The following DCC variants were observed in gnomAD, a reference collection of about 807,000 sequenced individuals.
DCC encodes the protein netrin receptor DCC.
Under a neutral mutation model 172.5 loss-of-function variants are expected in DCC, and 58 were observed. The observed-to-expected ratio is 0.34, with a 90% CI of 0.27 to 0.42. The LOEUF (loss-of-function observed/expected upper bound fraction) is 0.42. Among genes scored for constraint, DCC ranks in the 10% least tolerant of loss-of-function variants. DCC has a pLI of 1.00. For missense variants in DCC, 1,740 were observed against 1,791.0 expected, an observed-to-expected ratio of 0.97 and a Z score of 0.51; for synonymous variants, 709 against 644.5, an observed-to-expected ratio of 1.10 and a Z score of -1.52.
At chr18:52,890,047 A>G (rs745829699) in intron 2 of DCC, among the ~76,000 whole-genome samples, 1 of 152,188 alleles carries the variant, frequency 6.6e-6, no homozygotes, top group Admixed American at 6.5e-5. Context: ...TGGTATCTGT[A>G]CCAATAAATA....
At chr18:53,208,156 T>C (rs898349878) in intron 11 of DCC, among the ~76,000 whole-genome samples, 1 of 150,668 alleles carries the variant, frequency 6.6e-6, no homozygotes, top group Admixed American at 6.7e-5. Flanking sequence ...GCACCTGCGA[T>C]CCCAGCTACT....
At chr18:53,122,850 C>A (rs1026052329) in intron 7 of DCC, among the ~76,000 whole-genome samples, 3 of 152,038 alleles carry the variant, frequency 2.0e-5, no homozygotes, top group Admixed American at 1.3e-4. Context: ...CTCTTTCTGA[C>A]CTTTAGCCTT....
intron 1 of DCC, among the ~76,000 whole-genome samples, chr18:52,643,960 T>G (rs2034960617): frequency 6.6e-6 from 1 of 150,446 alleles, no homozygotes; most frequent in African/African-American, 2.4e-5. Flanking sequence ...GTATTTTGGT[T>G]TTTTTTTTCT....
intron 5 of DCC, among the ~76,000 whole-genome samples, chr18:53,033,018 A>C (rs926389506): frequency 1.3e-5 from 2 of 152,170 alleles, no homozygotes; most frequent in Non-Finnish European, 2.9e-5. Flanking sequence ...TATGCTTTAC[A>C]TTCAGGTTAA....
At chr18:53,080,695 G>A (rs955119067) in intron 7 of DCC, among the ~76,000 whole-genome samples, 1 of 152,108 alleles carries the variant, frequency 6.6e-6, no homozygotes, top group Non-Finnish European at 1.5e-5. Context: ...AAACTGAGTG[G>A]CAACTCTGCT....
chr18:53,531,075 A>T lies in DCC; in HGVS notation c.*422A>T. On this transcript the variant is annotated 3_prime_UTR_variant, in exon 29 of 29. Transcript: ENST00000442544. ...GTACCATGCCATGGCAAACCAGTGC[A>T]AGCTCACTATTTTGTTTTCAACTTA... is the stretch of plus-strand genomic sequence containing the variant. 4.2e-6 allele frequency: 1 copy of T among 235,546 alleles called. No homozygotes were observed. The highest frequency in any genetic ancestry group is 7.0e-5 in the South Asian group (1 of 14,280). The allele number at this position is 235,546 out of a possible 1,614,324, so 14.6% of individuals were successfully genotyped here.
chr18:53,204,391 TA>T (rs1162715682), intron 9 of DCC, among the ~76,000 whole-genome samples: 1 of 151,532 alleles, frequency 6.6e-6, no homozygotes, highest in Non-Finnish European at 1.5e-5. Context: ...AAAATAAAAA[TA>T]AAAAAATAAC....
At chr18:52,941,775 A>AT (rs956363930) in intron 5 of DCC, among the ~76,000 whole-genome samples, 3 of 151,878 alleles carry the variant, frequency 2.0e-5, no homozygotes, top group Non-Finnish European at 2.9e-5. Context: ...TCTGATGTTT[A>AT]TTTTTTTATT....
chr18:52,585,813 G>T (rs2033656328), intron 1 of DCC, among the ~76,000 whole-genome samples: 1 of 152,126 alleles, frequency 6.6e-6, no homozygotes, highest in Non-Finnish European at 1.5e-5. Flanking sequence ...GCCGGGCGCG[G>T]TGGCTCACGC....
At chr18:53,206,522 A>G (rs924459254) in intron 10 of DCC, among the ~76,000 whole-genome samples, 1 of 131,166 alleles carries the variant, frequency 7.6e-6, no homozygotes, top group Admixed American at 7.9e-5. Context: ...ATATACATGT[A>G]TTATATATAA....
At chr18:52,699,548 C>A (rs2036072681) in intron 1 of DCC, among the ~76,000 whole-genome samples, 1 of 152,158 alleles carries the variant, frequency 6.6e-6, no homozygotes, top group African/African-American at 2.4e-5. Flanking sequence ...ATATGTTAAT[C>A]AGAATATGAC....
intron 1 of DCC, among the ~76,000 whole-genome samples, chr18:52,348,544 A>G (rs750266288): frequency 6.6e-6 from 1 of 152,176 alleles, no homozygotes; most frequent in Non-Finnish European, 1.5e-5. Flanking sequence ...GATTGCTTAT[A>G]AGTCTGAACA....
chr18:52,795,359 G>T (rs557258737), intron 2 of DCC, among the ~76,000 whole-genome samples: 17 of 152,040 alleles, frequency 1.1e-4, no homozygotes, highest in African/African-American at 4.1e-4. Context: ...TTAGTAGGTT[G>T]TATGCGTTTA....
At chr18:52,575,506 A>T (rs944379459) in intron 1 of DCC, among the ~76,000 whole-genome samples, 2 of 152,110 alleles carry the variant, frequency 1.3e-5, no homozygotes, top group Non-Finnish European at 2.9e-5. Context: ...GTTGGACAGA[A>T]ATTTTCTTAT....
chr18:53,478,348 G>A (rs149834100), intron 25 of DCC, among the ~76,000 whole-genome samples: 119 of 152,230 alleles, frequency 7.8e-4, no homozygotes, highest in African/African-American at 2.7e-3. Flanking sequence ...ATTTCTAGAT[G>A]GTATTGCACA....
At chr18:52,353,326 C>T (rs1822445) in intron 1 of DCC, among the ~76,000 whole-genome samples, 49,382 of 151,994 alleles carry the variant, frequency 0.32, 8,599 homozygotes, top group East Asian at 0.51. Flanking sequence ...GTTTTCATTC[C>T]ATAGTTTCCC....
chr18:52,405,418 G>A (rs1212134266), intron 1 of DCC, among the ~76,000 whole-genome samples: 2 of 134,762 alleles, frequency 1.5e-5, no homozygotes, highest in Non-Finnish European at 3.4e-5. Flanking sequence ...GGCCAGTGAT[G>A]ATGAGCGTTT....
intron 2 of DCC, among the ~76,000 whole-genome samples, chr18:52,793,481 A>G (rs1391590684): frequency 6.6e-6 from 1 of 152,128 alleles, no homozygotes; most frequent in East Asian, 1.9e-4. Context: ...CTCCTTTATC[A>G]GTAGTATTTG....
chr18:53,491,249 T>A (rs1022724211), intron 26 of DCC, among the ~76,000 whole-genome samples: 1 of 152,056 alleles, frequency 6.6e-6, no homozygotes, highest in Non-Finnish European at 1.5e-5. Flanking sequence ...AAAAAGAAAA[T>A]TCAGTGGCGT....
Sources: allele counts gnomAD v4.1 joint callset (sites outside exome capture counted in the v4.1 genomes callset), GRCh38; gene constraint gnomAD v4.1.1; transcripts MANE v1.5; gene names NCBI Gene and HGNC (gene_info 2026-07-23, HGNC 2026-07-21).